Variants in PAM observed in about 807,000 individuals in gnomAD.
PAM encodes peptidyl-glycine alpha-amidating monooxygenase.
A neutral mutation model predicts 122.1 loss-of-function variants in PAM; 72 were observed. That is an observed-to-expected ratio of 0.59 (90% CI 0.49 to 0.72). The LOEUF (loss-of-function observed/expected upper bound fraction) is 0.72. Among genes scored for constraint, PAM ranks in the 30% least tolerant of loss-of-function variants. The pLI is 0.00. For missense variants in PAM, 1,106 were observed against 1,183.7 expected, an observed-to-expected ratio of 0.93 and a Z score of 0.96; for synonymous variants, 389 against 404.4, an observed-to-expected ratio of 0.96 and a Z score of 0.46.
chr5:102,841,010 T>G (rs1445505119), intron 1 of PAM, among the ~76,000 whole-genome samples: 1 of 147,110 alleles, frequency 6.8e-6, no homozygotes, highest in African/African-American at 2.6e-5. Context: ...GTTGGAAGAT[T>G]AGAAGAAACA....
In PAM at chr5:102,770,846, A is replaced by C. The variant is rs560502432; in HGVS notation, c.-374+15498A>C. On this transcript the variant is annotated intron_variant, in intron 1 of 25. Coordinates refer to ENST00000438793, the MANE Select transcript of PAM (RefSeq NM_001177306.2). ...TTTGTCTGTTTGTGGTATCAGGGTAATATTGGCATCACAGAATGAGTTTGG... is the reference window on the plus strand; with the variant it reads ...TTTGTCTGTTTGTGGTATCAGGGTACTATTGGCATCACAGAATGAGTTTGG... Among the ~76,000 whole-genome samples, 3 of 152,048 alleles carry C rather than the reference A, an allele frequency of 2.0e-5. No individual in the cohort carries two copies. In the East Asian group the frequency reaches 5.8e-4, roughly 29 times the overall value.
At chr5:103,010,430 T>C (rs1214163537) in intron 21 of PAM, among the ~76,000 whole-genome samples, 2 of 152,212 alleles carry the variant, frequency 1.3e-5, no homozygotes, top group Non-Finnish European at 2.9e-5. Context: ...GTGCTTTTTA[T>C]AAACACAGCA....
At chr5:102,862,070 TGA>T (rs1459827894) in intron 1 of PAM, among the ~76,000 whole-genome samples, 43 of 150,848 alleles carry the variant, frequency 2.9e-4, no homozygotes, top group Non-Finnish European at 4.4e-5. Flanking sequence ...CTCGGGAGGC[TGA>T]GACAGGAGGA....
chr5:102,917,428 T>C (rs775341090), intron 5 of PAM, among the ~76,000 whole-genome samples: 15 of 152,226 alleles, frequency 9.9e-5, no homozygotes, highest in Non-Finnish European at 1.9e-4. Context: ...AACTTTCACA[T>C]ATATTTTGGG....
intron 1 of PAM, among the ~76,000 whole-genome samples, chr5:102,863,761 T>TA (rs11359612): frequency 1.3e-5 from 2 of 150,264 alleles, no homozygotes; most frequent in Admixed American, 6.6e-5. Flanking sequence ...TCCAGAATTA[T>TA]AAAAAAAATA....
chr5:102,993,742 T>C (rs1185577747), intron 16 of PAM, among the ~76,000 whole-genome samples: 1 of 152,136 alleles, frequency 6.6e-6, no homozygotes, highest in Admixed American at 6.6e-5. Context: ...CAGTCTTTGA[T>C]TCATTCTGTT....
intron 7 of PAM, among the ~76,000 whole-genome samples, chr5:102,936,349 T>C (rs1581891030): frequency 1.3e-5 from 2 of 152,130 alleles, no homozygotes; most frequent in Non-Finnish European, 1.5e-5. Context: ...GTTGGCAATG[T>C]GGATTACTGT....
chr5:102,826,966 C>T (rs1773833437), intron 1 of PAM, among the ~76,000 whole-genome samples: 1 of 151,930 alleles, frequency 6.6e-6, no homozygotes, highest in Admixed American at 6.6e-5. Context: ...CTTGTAGTAC[C>T]CTTAATTTTT....
chr5:102,883,645 A>G (rs976224737), intron 3 of PAM, among the ~76,000 whole-genome samples: 47 of 152,116 alleles, frequency 3.1e-4, no homozygotes, highest in African/African-American at 1.1e-3. Flanking sequence ...GTATACGATC[A>G]TTTCATCAGC....
chr5:102,758,885 A>T (rs910580506), intron 1 of PAM, among the ~76,000 whole-genome samples: 2 of 152,146 alleles, frequency 1.3e-5, no homozygotes, highest in African/African-American at 2.4e-5. Context: ...AAATGAATAC[A>T]TATATAAAAA....
chr5:102,829,678 A>T (rs1332799855), intron 1 of PAM, among the ~76,000 whole-genome samples: 1 of 152,172 alleles, frequency 6.6e-6, no homozygotes, highest in Non-Finnish European at 1.5e-5. Context: ...CTGGCCGCAA[A>T]TGGGAGTTTT....
At position 102,990,256 on chromosome 5, in the gene PAM, T is replaced by C; in HGVS notation, c.1484-16T>C. ...ACCTTTCCCTTTTACACTAAATGTGTGGATATATCTTTTAGATTTCCACAT... is the reference window on the plus strand; with the variant it reads ...ACCTTTCCCTTTTACACTAAATGTGCGGATATATCTTTTAGATTTCCACAT... On this transcript the variant is annotated splice_polypyrimidine_tract_variant and intron_variant, in intron 15 of 25. Coordinates refer to ENST00000438793, the MANE Select transcript of PAM (RefSeq NM_001177306.2). The C allele has an allele frequency of 2.0e-6, 3 of 1,520,554 alleles. No individual in the cohort carries two copies. The highest frequency in any genetic ancestry group is 2.7e-6 in the Non-Finnish European group (3 of 1,125,624). 94.2% of individuals were successfully genotyped at this position (1,520,554 alleles called of 1,614,324 possible).
intron 1 of PAM, among the ~76,000 whole-genome samples, chr5:102,841,101 A>G (rs1005098826): frequency 1.3e-5 from 2 of 152,156 alleles, no homozygotes; most frequent in Non-Finnish European, 2.9e-5. Context: ...AAATTTTGTC[A>G]TTAAGAAGAG....
In PAM at chr5:102,991,940, C is replaced by T. The variant is rs77601876; in HGVS notation, c.1613+1539C>T. Among the ~76,000 whole-genome samples, 10 of 152,206 alleles carry T rather than the reference C, an allele frequency of 6.6e-5. No individual in the cohort carries two copies. In the East Asian group the frequency reaches 1.9e-3, roughly 29 times the overall value. On this transcript the variant is annotated intron_variant, in intron 16 of 25. Coordinates refer to ENST00000438793, the MANE Select transcript of PAM (RefSeq NM_001177306.2). ...AGAAAATTACAGCATCATTTTCTCC[C>T]ATTGATACTGTTTCAGCTGACTAAA...
intron 1 of PAM, among the ~76,000 whole-genome samples, chr5:102,800,828 A>T (rs1764522074): frequency 6.6e-6 from 1 of 152,050 alleles, no homozygotes; most frequent in Non-Finnish European, 1.5e-5. Flanking sequence ...TTTTCCTTTT[A>T]GACTTAGTGC....
At chr5:103,004,892 C>A (rs559589615) in intron 17 of PAM, among the ~76,000 whole-genome samples, 1 of 152,222 alleles carries the variant, frequency 6.6e-6, no homozygotes, top group South Asian at 2.1e-4. Context: ...ATATACCATA[C>A]TTTATAATAA....
chr5:102,994,636 C>G (rs1369787513), intron 16 of PAM, among the ~76,000 whole-genome samples: 3 of 152,036 alleles, frequency 2.0e-5, no homozygotes, highest in Non-Finnish European at 4.4e-5. Context: ...AATTTGTAAT[C>G]TATGAAAATC....
chr5:102,835,243 A>G (rs1776673083), intron 1 of PAM, among the ~76,000 whole-genome samples: 1 of 152,146 alleles, frequency 6.6e-6, no homozygotes, highest in Non-Finnish European at 1.5e-5. Context: ...ACGTACCCAG[A>G]GTCATGTAGT....
At chr5:102,809,086 T>G (rs2150170212) in intron 1 of PAM, among the ~76,000 whole-genome samples, 1 of 152,290 alleles carries the variant, frequency 6.6e-6, no homozygotes, top group African/African-American at 2.4e-5. Context: ...CAATAAATAA[T>G]GAGACACATG....
Sources: gnomAD v4.1 joint callset for allele counts (sites outside exome capture counted in the v4.1 genomes callset) on GRCh38, gnomAD v4.1.1 for gene constraint, MANE v1.5 for transcripts, NCBI Gene and HGNC (gene_info 2026-07-23, HGNC 2026-07-21) for gene names.